Variants in ZNF536 observed in about 807,000 individuals in gnomAD.
ZNF536 encodes the protein zinc finger protein 536.
ZNF536 carries 13 observed loss-of-function variants against 84.5 expected under a neutral mutation model. The ratio of observed to expected loss-of-function variants is 0.15; its 90% confidence interval spans 0.10 to 0.24. The LOEUF (loss-of-function observed/expected upper bound fraction) is 0.24. Ranked by LOEUF, ZNF536 falls within the 10% of genes least tolerant of loss-of-function variation. The pLI is 1.00. For missense variants in ZNF536, 1,536 were observed against 1,747.5 expected (o/e 0.88, Z 2.16); for synonymous variants, 811 against 742.5 (o/e 1.09, Z -1.50).
intron 2 of ZNF536, among the ~76,000 whole-genome samples, chr19:30,454,590 G>C (rs1316609992): frequency 6.6e-6 from 1 of 152,174 alleles, no homozygotes; most frequent in African/African-American, 2.4e-5. Flanking sequence ...AAACTCAGTA[G>C]TTTGCCCTGA....
intron 1 of ZNF536, among the ~76,000 whole-genome samples, chr19:30,435,052 T>C (rs1476562760): frequency 6.7e-6 from 1 of 150,358 alleles, no homozygotes; most frequent in Non-Finnish European, 1.5e-5. Flanking sequence ...GTGGTGATGA[T>C]GATGCTGATG....
intron 1 of ZNF536, among the ~76,000 whole-genome samples, chr19:30,281,855 G>A (rs1197639121): frequency 6.6e-6 from 1 of 152,158 alleles, no homozygotes; most frequent in Non-Finnish European, 1.5e-5. Flanking sequence ...GCACCAAACT[G>A]GGCTCATGGA....
chr19:30,565,515 A>G (rs2046319191), intron 1 of ZNF536, among the ~76,000 whole-genome samples: 1 of 152,188 alleles, frequency 6.6e-6, no homozygotes, highest in African/African-American at 2.4e-5. Context: ...CCATTTTATG[A>G]ATGAGGAAAC....
At chr19:30,693,676 T>C (rs2051522752) in intron 1 of ZNF536, among the ~76,000 whole-genome samples, 1 of 152,232 alleles carries the variant, frequency 6.6e-6, no homozygotes, top group Non-Finnish European at 1.5e-5. Flanking sequence ...GGATGAGGGC[T>C]GAGCATTGAA....
chr19:30,299,967 C>A (rs923636505), intron 2 of ZNF536, among the ~76,000 whole-genome samples: 5 of 152,106 alleles, frequency 3.3e-5, no homozygotes, highest in African/African-American at 1.2e-4. Context: ...CAAGCCATCT[C>A]GATGCACAGT....
intron 2 of ZNF536, among the ~76,000 whole-genome samples, chr19:30,461,045 A>G (rs1268480573): frequency 1.3e-5 from 2 of 152,076 alleles, no homozygotes; most frequent in African/African-American, 2.4e-5. Flanking sequence ...GGCGCGTCGG[A>G]GGGGTTGGGC....
At chr19:30,683,553 T>TC (rs2051058722) in intron 1 of ZNF536, among the ~76,000 whole-genome samples, 1 of 144,382 alleles carries the variant, frequency 6.9e-6, no homozygotes, top group Non-Finnish European at 1.5e-5. Context: ...CTGAGCGGAT[T>TC]TTTTTTTTTT....
chr19:30,445,562 G>T lies in ZNF536; in HGVS notation c.2000G>T (p.Gly667Val), dbSNP rs2052287599. 6.2e-7 allele frequency: 1 copy of T among 1,613,354 alleles called. No individual in the cohort carries two copies. Among genetic ancestry groups the T allele is most frequent in the Non-Finnish European group, 8.5e-7 (1 of 1,179,798 alleles). The change falls in exon 2 of 5, where the codon GGC becomes GTC. Residue 667 changes from glycine to valine, a missense_variant. Physicochemically the swap from Gly to Val is moderately radical, Grantham distance 109. Around this residue, in one of 8 missense-constraint regions of ZNF536, gnomAD observed 366 missense variants for 364.4 expected, o/e 1.00. Coordinates refer to ENST00000355537, the MANE Select transcript of ZNF536 (RefSeq NM_014717.3). The surrounding 1 kb of genome is among the most constrained non-coding windows in gnomAD (Gnocchi z 4.5). ...GGCGAGGAGGATGGGCTGCACGTGG[G>T]CCTGGATGAGCGGCGTGGCTCGGGC... ...RKGEEDGLHV[G>V]LDERRGSGSD...
intron 1 of ZNF536, among the ~76,000 whole-genome samples, chr19:30,686,439 T>C (rs1353815933): frequency 1.3e-5 from 2 of 152,318 alleles, no homozygotes; most frequent in East Asian, 1.9e-4. Flanking sequence ...TGTATGTGTG[T>C]GTGCACACCC....
intron 2 of ZNF536, among the ~76,000 whole-genome samples, chr19:30,513,865 T>G (rs2055521376): frequency 6.6e-6 from 1 of 152,130 alleles, no homozygotes; most frequent in South Asian, 2.1e-4. Context: ...TGTTTCTTTC[T>G]CCCCTGCAGA....
At chr19:30,333,089 A>G (rs1364575901) in intron 2 of ZNF536, among the ~76,000 whole-genome samples, 1 of 152,078 alleles carries the variant, frequency 6.6e-6, no homozygotes, top group African/African-American at 2.4e-5. Flanking sequence ...ACCTTCTGCC[A>G]TTGCCCATGG....
At chr19:30,375,582 C>T (rs1268525056) in intron 1 of ZNF536, among the ~76,000 whole-genome samples, 2 of 152,196 alleles carry the variant, frequency 1.3e-5, no homozygotes, top group Non-Finnish European at 2.9e-5. Context: ...TGGGAGGTCC[C>T]GGGACTTGGG....
At chr19:30,290,260 T>C (rs1299614625) in intron 2 of ZNF536, among the ~76,000 whole-genome samples, 3 of 152,158 alleles carry the variant, frequency 2.0e-5, no homozygotes, top group African/African-American at 7.2e-5. Flanking sequence ...TATACCACAT[T>C]TTATTTTACT....
chr19:30,344,786 G>A (rs1190476592), intron 2 of ZNF536, among the ~76,000 whole-genome samples: 1 of 152,182 alleles, frequency 6.6e-6, no homozygotes, highest in Non-Finnish European at 1.5e-5. Flanking sequence ...AGTTGGGAAA[G>A]TCAAGGCTAG....
chr19:30,335,996 T>A (rs970502404), intron 2 of ZNF536, among the ~76,000 whole-genome samples: 3 of 152,140 alleles, frequency 2.0e-5, no homozygotes, highest in African/African-American at 7.2e-5. Flanking sequence ...AGCAGCATCT[T>A]GGCAAAGACT....
chr19:30,608,728 G>C (rs1046457711), intron 1 of ZNF536, among the ~76,000 whole-genome samples: 1 of 152,170 alleles, frequency 6.6e-6, no homozygotes, highest in African/African-American at 2.4e-5. Flanking sequence ...TTTCCAAGGG[G>C]CCCAGCACTG....
At chr19:30,468,054 C>A (rs1375083757) in intron 2 of ZNF536, among the ~76,000 whole-genome samples, 1 of 152,334 alleles carries the variant, frequency 6.6e-6, no homozygotes, top group African/African-American at 2.4e-5. Context: ...CAGGCACCAG[C>A]GCCCCGTGAA....
At chr19:30,373,913 CGGCCCCAGCCCCAG>C (rs2048707164) in intron 1 of ZNF536, among the ~76,000 whole-genome samples, 1 of 152,192 alleles carries the variant, frequency 6.6e-6, no homozygotes, top group Non-Finnish European at 1.5e-5. Flanking sequence ...GCACGCGGCC[CGGCCCCAGCCCCAG>C]GGCCGCAGCC....
chr19:30,410,767 C>T (rs965402249), intron 1 of ZNF536, among the ~76,000 whole-genome samples: 2 of 151,958 alleles, frequency 1.3e-5, no homozygotes, highest in African/African-American at 2.4e-5. Flanking sequence ...CGTGAGCCAC[C>T]GCGCCCGGCC....
Sources: allele counts gnomAD v4.1 joint callset (sites outside exome capture counted in the v4.1 genomes callset), GRCh38; gene constraint gnomAD v4.1.1; regional missense constraint gnomAD v4.1.1; non-coding constraint Gnocchi (gnomAD v3.1); transcripts MANE v1.5; gene names NCBI Gene and HGNC (gene_info 2026-07-23, HGNC 2026-07-21).